CABIN1: variants seen among roughly 807,000 people sequenced by gnomAD.
The protein encoded by CABIN1 is calcineurin-binding protein cabin-1.
In CABIN1, 133 loss-of-function variants were observed where a neutral mutation model predicts 227.7. The observed-to-expected ratio is 0.58, with a 90% CI of 0.51 to 0.67. The LOEUF is 0.67. Among genes scored for constraint, CABIN1 ranks in the 30% least tolerant of loss-of-function variants. The pLI, the probability that CABIN1 is intolerant of heterozygous loss-of-function variation, is 0.00. For synonymous variants in CABIN1, 1,086 were observed against 1,155.1 expected, an observed-to-expected ratio of 0.94 and a Z score of 1.21; for missense variants, 2,408 against 2,852.5, an observed-to-expected ratio of 0.84 and a Z score of 3.55.
At position 24,103,234 on chromosome 22, in the gene CABIN1, A is replaced by G. The variant is rs553111295; in HGVS notation, c.4117+5042A>G. On this transcript the variant is annotated intron_variant, in intron 26 of 36. Transcript: ENST00000263119. ...TATCCTCCCAGTTCTGGCCAGAGGC[A>G]GATGCGGTGGGGGCCTCTTCTCCAC... The G allele has an allele frequency of 2.0e-5, 3 of 152,204 alleles. No individual in the cohort carries two copies. In the South Asian group the frequency reaches 6.2e-4, roughly 32 times the overall value. The allele number at this position is 152,204 out of a possible 1,614,324, so 9.4% of individuals were successfully genotyped here.
In CABIN1 at chr22:24,038,598, CT is replaced by C. The variant is rs754269598; in HGVS notation, c.210+138del. ...AAAACATTATTTCACCTCTCTGCCCCTATTTCCCCACCTCTAGGTATCTGCC... is the reference window on the plus strand; with the variant it reads ...AAAACATTATTTCACCTCTCTGCCCCATTTCCCCACCTCTAGGTATCTGCC... On this transcript the variant is annotated intron_variant, in intron 4 of 36. Coordinates refer to ENST00000263119, the MANE Select transcript of CABIN1 (RefSeq NM_012295.4). 102 of 692,338 alleles carry C rather than the reference CT, an allele frequency of 1.5e-4. 1 individual carries two copies. Among genetic ancestry groups the C allele is most frequent in the Non-Finnish European group, 2.5e-4 (95 of 379,952 alleles). 42.9% of individuals were successfully genotyped at this position (692,338 alleles called of 1,614,324 possible).
intron 1 of CABIN1, among the ~76,000 whole-genome samples, chr22:24,028,040 T>A (rs1350121049): frequency 6.6e-6 from 1 of 152,002 alleles, no homozygotes; most frequent in East Asian, 1.9e-4. Flanking sequence ...ATAAAGCAAG[T>A]CACACAAATT....
At chr22:24,146,490 A>G (rs1242562945) in intron 29 of CABIN1, among the ~76,000 whole-genome samples, 1 of 152,130 alleles carries the variant, frequency 6.6e-6, no homozygotes. Flanking sequence ...GAGAGGCAGC[A>G]GGTGGAGAGG....
chr22:24,011,687 T>C (rs557532555), intron 1 of CABIN1: 1 of 152,402 alleles, frequency 6.6e-6, no homozygotes, highest in South Asian at 2.1e-4. Context: ...GCTAACCCTT[T>C]ACTCGCGACC....
intron 12 of CABIN1, 58 bp downstream of exon 12, chr22:24,060,199 G>A (rs994070603): frequency 6.1e-6 from 9 of 1,480,366 alleles, no homozygotes; most frequent in South Asian, 1.2e-5. Flanking sequence ...TGGGGACAGG[G>A]ATCTTGCATG....
Position 24,119,717 on chromosome 22 carries a change from A to G in CABIN1, c.4632+19A>G, listed in dbSNP as rs777076498. Reference sequence around the variant, plus strand: ...CCACCGGGTGAGTGGCTGCCGGGCCAAGGGGGCTTGGATCTTCCCAGGGCA... The same window carrying G: ...CCACCGGGTGAGTGGCTGCCGGGCCGAGGGGGCTTGGATCTTCCCAGGGCA... On this transcript the variant is annotated intron_variant, in intron 28 of 36. Coordinates refer to ENST00000263119, the MANE Select transcript of CABIN1 (RefSeq NM_012295.4). 2.0e-5 allele frequency: 33 copies of G among 1,610,788 alleles called. No individual in the cohort carries two copies. Among genetic ancestry groups the G allele is most frequent in the Non-Finnish European group, 2.6e-5 (31 of 1,177,508 alleles).
intron 34 of CABIN1, among the ~76,000 whole-genome samples, chr22:24,174,120 C>T (rs1282676111): frequency 1.3e-5 from 2 of 151,476 alleles, no homozygotes; most frequent in Non-Finnish European, 2.9e-5. Context: ...GCTGGGATTA[C>T]AGGAATGAGC....
chr22:24,046,907 C>T (rs1489336448), intron 6 of CABIN1, among the ~76,000 whole-genome samples: 2 of 152,080 alleles, frequency 1.3e-5, no homozygotes, highest in Non-Finnish European at 2.9e-5. Flanking sequence ...CCCCCCCCAC[C>T]GCAATGTCCC....
intron 29 of CABIN1, among the ~76,000 whole-genome samples, chr22:24,142,028 T>C (rs976161894): frequency 6.6e-6 from 1 of 152,132 alleles, no homozygotes; most frequent in Admixed American, 6.5e-5. Flanking sequence ...CCCAGGGTAC[T>C]GTCCTTCTCA....
In CABIN1 at chr22:24,041,207, T is replaced by C. The variant is rs775812572; in HGVS notation, c.279T>C (p.Tyr93=). ...GGCTGATACTGAAATATTCCACTTA[T>C]AAGAACTTGGCCCAGCTGGCAGCCC... ...HPGLILKYST[Y]KNLAQLAAQR... is the part of the protein sequence containing the mutation. Residue 93 remains tyrosine (Y), a synonymous_variant, in exon 5 of 37, where the codon TAT becomes TAC. Transcript: ENST00000263119. 2.8e-5 allele frequency: 45 copies of C among 1,614,202 alleles called. No homozygotes were observed. The South Asian group carries it at 3.5e-4, about 13-fold the overall frequency.
At chr22:24,058,190 A>G (rs2038940122) in intron 10 of CABIN1, among the ~76,000 whole-genome samples, 1 of 151,842 alleles carries the variant, frequency 6.6e-6, no homozygotes, top group Non-Finnish European at 1.5e-5. Context: ...AGCTAATTTT[A>G]TTTCTTGTTT....
At chr22:24,041,566 C>G in intron 5 of CABIN1, among the ~76,000 whole-genome samples, 1 of 152,122 alleles carries the variant, frequency 6.6e-6, no homozygotes, top group Non-Finnish European at 1.5e-5. Context: ...CTTGGTATCT[C>G]TAGGTCTACA....
chr22:24,156,110 G>A (rs1052006924), intron 29 of CABIN1: 2 of 408,530 alleles, frequency 4.9e-6, no homozygotes, highest in East Asian at 7.2e-5. Context: ...GCCGGGACTG[G>A]GGCCGGGACT....
intron 29 of CABIN1, among the ~76,000 whole-genome samples, chr22:24,149,680 C>T (rs1375958459): frequency 1.3e-5 from 2 of 152,248 alleles, no homozygotes; most frequent in African/African-American, 4.8e-5. Flanking sequence ...GTGGACTCCA[C>T]CCCATCACTG....
rs2039405552 is a variant in CABIN1 at position 24,064,092 on chromosome 22, T to A, written c.1942T>A (p.Ser648Thr). The change falls in exon 15 of 37, where the codon TCC becomes ACC. Residue 648 changes from serine to threonine, a missense_variant. Transcript: ENST00000263119. ...CATCTGCACAGAAATGCTCCAGAGT[T>A]CCACCGCCATCCAGGTGGAGGCAGG... The part of the protein sequence containing the change: ...YDICTEMLQS[S>T]TAIQVEAGAE... 6.2e-7 allele frequency: 1 copy of A among 1,614,040 alleles called. No individual in the cohort carries two copies. Among genetic ancestry groups the A allele is most frequent in the African/African-American group, 1.3e-5 (1 of 74,914 alleles).
chr22:24,060,135 C>T lies in CABIN1; in HGVS notation c.1611C>T (p.His537=), dbSNP rs1436575266. 6 of 1,613,328 alleles carry T rather than the reference C, an allele frequency of 3.7e-6. No individual in the cohort carries two copies. The highest frequency in any genetic ancestry group is 5.1e-6 in the Non-Finnish European group (6 of 1,179,942). ...NPLLRDCSNK[H]IKDMMLMSLS... is the part of the protein sequence containing the mutation. ...TGCTGAGGGACTGCAGCAACAAGCA[C>T]ATCAAGGTTAGGGGGAGCCTCTCAA... is the stretch of plus-strand genomic sequence containing the variant. The change falls in exon 12 of 37, where the codon CAC becomes CAT. Residue 537 remains histidine, a synonymous_variant. Transcript: ENST00000263119.
Position 24,157,277 on chromosome 22 carries a change from C to T in CABIN1, c.4747-7123C>T, listed in dbSNP as rs61245393. ...ACTGCGGGAGGGGCCAGACCCTCAGCTCCTCAGGGCATCAGGAAGATAGGG... is the reference window on the plus strand; with the variant it reads ...ACTGCGGGAGGGGCCAGACCCTCAGTTCCTCAGGGCATCAGGAAGATAGGG... On this transcript the variant is annotated intron_variant, in intron 29 of 36. Coordinates refer to ENST00000263119, the MANE Select transcript of CABIN1 (RefSeq NM_012295.4). Among the ~76,000 whole-genome samples the T allele has an allele frequency of 2.0e-5, 3 of 152,310 alleles. No homozygotes were observed. In the East Asian group the frequency reaches 5.8e-4, roughly 29 times the overall value.
At chr22:24,014,237 T>G (rs889405665) in intron 1 of CABIN1, among the ~76,000 whole-genome samples, 2 of 152,228 alleles carry the variant, frequency 1.3e-5, no homozygotes, top group Non-Finnish European at 2.9e-5. Context: ...AAAGGAGAAC[T>G]ACCCTCTCTC....
chr22:24,152,115 T>C (rs747417982), intron 29 of CABIN1, among the ~76,000 whole-genome samples: 21 of 152,232 alleles, frequency 1.4e-4, no homozygotes, highest in Non-Finnish European at 2.9e-4. Flanking sequence ...GTGCACGTGA[T>C]CCAGGCACAG....
Sources: allele counts gnomAD v4.1 joint callset (sites outside exome capture counted in the v4.1 genomes callset), GRCh38; gene constraint gnomAD v4.1.1; transcripts MANE v1.5; gene names NCBI Gene and HGNC (gene_info 2026-07-23, HGNC 2026-07-21).